The following CPNE9 variants were observed in gnomAD, a reference collection of about 807,000 sequenced individuals.
The protein encoded by CPNE9 is copine family member 9, also known as copine-9.
A neutral mutation model predicts 83.0 loss-of-function variants in CPNE9; 59 were observed. The observed-to-expected ratio is 0.71, with a 90% confidence interval of 0.58 to 0.88. CPNE9 has a LOEUF of 0.88. Ranked by LOEUF, CPNE9 falls within the 40% of genes least tolerant of loss-of-function variation. The pLI, the probability that CPNE9 is intolerant of heterozygous loss-of-function variation, is 0.00. For synonymous variants in CPNE9, 256 were observed against 273.4 expected (o/e 0.94, Z 0.63); for missense variants, 619 against 720.8 (o/e 0.86, Z 1.62).
intron 7 of CPNE9, among the ~76,000 whole-genome samples, chr3:9,708,144 G>A (rs1250742423): frequency 1.3e-5 from 2 of 152,192 alleles, no homozygotes; most frequent in African/African-American, 2.4e-5. Flanking sequence ...GAAACAGGGG[G>A]CCTCATTGTG....
In CPNE9 at chr3:9,704,778, A is replaced by C; in HGVS notation, c.139A>C (p.Ser47Arg). The change falls in exon 3 of 21, where the codon AGC becomes CGC. Residue 47 changes from serine (S) to arginine (R), a missense_variant. Ser to Arg is a moderately radical substitution (Grantham distance 110). Transcript: ENST00000383832. This position sits in a 1 kb window ranked among gnomAD's most constrained non-coding sequence, Gnocchi z 7.1. The stretch of plus-strand genomic sequence containing the variant: ...GGTGCTTTACACGCAGAGCCGGGCC[A>C]GCCAGGAGTGGCGGGAGGTGAGTCC... ...MVVLYTQSRA[S>R]QEWREFGRTE... The C allele has an allele frequency of 6.2e-7, 1 of 1,611,098 alleles. No homozygotes were observed. Among genetic ancestry groups the C allele is most frequent in the South Asian group, 1.1e-5 (1 of 90,948 alleles).
chr3:9,725,118 G>A (rs2076765917), intron 17 of CPNE9, among the ~76,000 whole-genome samples: 1 of 152,264 alleles, frequency 6.6e-6, no homozygotes, highest in South Asian at 2.1e-4. Flanking sequence ...TCACAGTGGT[G>A]ATTTTACACT....
intron 17 of CPNE9, among the ~76,000 whole-genome samples, chr3:9,718,834 CTTT>C (rs750687755): frequency 2.6e-4 from 30 of 117,592 alleles, no homozygotes; most frequent in Admixed American, 9.8e-4. Flanking sequence ...GACCCCATCT[CTTT>C]TTTTTTTTTT....
Position 9,716,191 on chromosome 3 carries a change from C to G in CPNE9, c.884+156C>G, listed in dbSNP as rs181610875. Among the ~76,000 whole-genome samples the G allele has an allele frequency of 3.1e-4, 47 of 152,316 alleles. 1 individual carries two copies. Among genetic ancestry groups the G allele is most frequent in the African/African-American group, 1.1e-3 (45 of 41,568 alleles). ...CAACTATAAAGTGCTCTGTAAAATG[C>G]AAAATACTGCTCTTCTTAGTTCCCT... On this transcript the variant is annotated intron_variant, in intron 14 of 20. Coordinates refer to ENST00000383832, the MANE Select transcript of CPNE9 (RefSeq NM_153635.3).
chr3:9,725,852 C>T (rs980648244), intron 17 of CPNE9, 97 bp from the exon 18 acceptor site: 7 of 909,416 alleles, frequency 7.7e-6, no homozygotes, highest in East Asian at 2.4e-5. Context: ...CCAGTTCCTG[C>T]CCACTGCCCA....
intron 7 of CPNE9, among the ~76,000 whole-genome samples, chr3:9,709,660 G>A (rs1036377634): frequency 1.3e-5 from 2 of 151,490 alleles, no homozygotes; most frequent in African/African-American, 4.8e-5. Flanking sequence ...GAGCTGCCAC[G>A]CCTAGCCAAG....
At chr3:9,710,639 T>C (rs913876952) in intron 7 of CPNE9, among the ~76,000 whole-genome samples, 1 of 152,354 alleles carries the variant, frequency 6.6e-6, no homozygotes, top group Middle Eastern at 3.4e-3. Context: ...AATTGTGTTT[T>C]TGTCTGGCCA....
chr3:9,704,037 C>G lies in CPNE9; in HGVS notation c.41C>G (p.Thr14Ser). Residue 14 changes from threonine (T) to serine (S), a missense_variant, in exon 1 of 21, where the codon ACC becomes AGC. Transcript: ENST00000383832. This position sits in a 1 kb window ranked among gnomAD's most constrained non-coding sequence, Gnocchi z 7.1. ...GGASERSVPA[T>S]KIEITVSCRN... Reference sequence around the variant, plus strand: ...GCCTCCGAGCGCAGCGTCCCGGCCACCAAGATTGAAATTACCGTGTCCTGC... The same window carrying G: ...GCCTCCGAGCGCAGCGTCCCGGCCAGCAAGATTGAAATTACCGTGTCCTGC... 1.9e-6 allele frequency: 3 copies of G among 1,609,214 alleles called. No homozygotes were observed. Among genetic ancestry groups the G allele is most frequent in the Non-Finnish European group, 2.5e-6 (3 of 1,178,852 alleles).
In CPNE9 at chr3:9,729,785, T is replaced by C; in HGVS notation, c.*93T>C. On this transcript the variant is annotated 3_prime_UTR_variant, in exon 21 of 21. Transcript: ENST00000383832. ...AGGCACCTGGAACCCTGGACTTCAC[T>C]GGGAGGGCCAACTTGGAGGATCAGT... is the stretch of plus-strand genomic sequence containing the variant. 1.4e-6 allele frequency: 2 copies of C among 1,464,086 alleles called. No homozygotes were observed. The highest frequency in any genetic ancestry group is 1.8e-6 in the Non-Finnish European group (2 of 1,104,086). 90.7% of individuals were successfully genotyped at this position (1,464,086 alleles called of 1,614,324 possible). A position where few individuals can be genotyped will look rare whatever the true frequency, so the allele number is the denominator to read the frequency against.
At position 9,713,033 on chromosome 3, in the gene CPNE9, C is replaced by A; in HGVS notation, c.604C>A (p.Pro202Thr). Reference sequence around the variant, plus strand: ...AAACACGCTGAATCCTGTGTGGCAGCCCTTCAGCATCCCTGTGCGGGCTCT... The same window carrying A: ...AAACACGCTGAATCCTGTGTGGCAGACCTTCAGCATCCCTGTGCGGGCTCT... ...VKNTLNPVWQ[P>T]FSIPVRALCN... Residue 202 changes from proline to threonine, a missense_variant, in exon 10 of 21, where the codon CCC (proline) becomes ACC (threonine). Pro to Thr is a conservative substitution (Grantham distance 38, BLOSUM62 -1). Coordinates refer to ENST00000383832, the MANE Select transcript of CPNE9 (RefSeq NM_153635.3). 1 of 1,614,208 alleles carries A rather than the reference C, an allele frequency of 6.2e-7. No homozygotes were observed. The highest frequency in any genetic ancestry group is 8.5e-7 in the Non-Finnish European group (1 of 1,180,020).
chr3:9,705,419 T>TCCCCCCCCCCGACCCCC, intron 4 of CPNE9, 45 bp from the exon 5 acceptor site: 1 of 662,642 alleles, frequency 1.5e-6, no homozygotes, highest in East Asian at 3.0e-5. Context: ...TTCCACCCTC[T>TCCCCCCCCCCGACCCCC]CCCCCACCCA....
chr3:9,725,749 A>G (rs1030252036), intron 17 of CPNE9, among the ~76,000 whole-genome samples, 200 bp from the exon 18 acceptor site: 1 of 143,752 alleles, frequency 7.0e-6, no homozygotes, highest in East Asian at 2.0e-4. Flanking sequence ...ATATGTATAT[A>G]TGTGTGTGTA....
At position 9,722,169 on chromosome 3, in the gene CPNE9, C is replaced by G. The variant is rs534903285; in HGVS notation, c.1241+3567C>G. On this transcript the variant is annotated intron_variant, in intron 17 of 20. Coordinates refer to ENST00000383832, the MANE Select transcript of CPNE9 (RefSeq NM_153635.3). ...TGACCTCAGGTGATCCACCCCCCCC[C>G]GCCACCCGGCCTCCCAAAGTGCTGG... Among the ~76,000 whole-genome samples, 5 of 151,784 alleles carry G rather than the reference C, an allele frequency of 3.3e-5. 1 individual carries two copies. The highest frequency in any genetic ancestry group is 1.9e-4 in the East Asian group (1 of 5,182).
intron 17 of CPNE9, among the ~76,000 whole-genome samples, chr3:9,720,816 A>G (rs1205937563): frequency 6.6e-6 from 1 of 152,224 alleles, no homozygotes; most frequent in Non-Finnish European, 1.5e-5. Flanking sequence ...TAAAGGGGCA[A>G]TGCACCATTG....
Position 9,718,155 on chromosome 3 carries a change from A to G in CPNE9, c.1058A>G (p.Tyr353Cys). 1 of 1,614,074 alleles carries G rather than the reference A, an allele frequency of 6.2e-7. No homozygotes were observed. The highest frequency in any genetic ancestry group is 8.5e-7 in the Non-Finnish European group (1 of 1,179,990). The change falls in exon 16 of 21, where the codon TAT becomes TGT. Residue 353 changes from tyrosine to cysteine, a missense_variant. Physicochemically the swap from Tyr to Cys is radical, Grantham distance 194. This residue lies in a region of CPNE9 where 438 missense variants were observed against 562.9 expected (regional missense o/e 0.78). Coordinates refer to ENST00000383832, the MANE Select transcript of CPNE9 (RefSeq NM_153635.3). ...DYDSDKLFPAYGFGAKLPPEG... is the reference protein window; with the variant it reads ...DYDSDKLFPACGFGAKLPPEG... ...GACAGTGATAAGCTCTTCCCAGCTT[A>G]TGGCTTTGGGGCCAAGCTGCCCCCA...
chr3:9,725,358 A>C (rs2076767931), intron 17 of CPNE9, among the ~76,000 whole-genome samples: 1 of 151,798 alleles, frequency 6.6e-6, no homozygotes, highest in Admixed American at 6.6e-5. Flanking sequence ...AACATGGTGA[A>C]ACCTCATCTC....
chr3:9,725,810 G>T, intron 17 of CPNE9, 139 bp from the exon 18 acceptor site: 1 of 690,090 alleles, frequency 1.4e-6, no homozygotes, highest in Non-Finnish European at 2.6e-6. Flanking sequence ...CAGGCTGCCA[G>T]GTCTGGGGAA....
chr3:9,718,318 A>T, intron 16 of CPNE9, 108 bp downstream of exon 16: 1 of 1,376,770 alleles, frequency 7.3e-7, no homozygotes, highest in Non-Finnish European at 1.0e-6. Flanking sequence ...AGGAACAGGA[A>T]GCTATGAGAG....
intron 20 of CPNE9, 22 bp from the exon 21 acceptor site, chr3:9,729,482 CTCT>C: frequency 6.3e-7 from 1 of 1,591,056 alleles, no homozygotes; most frequent in Non-Finnish European, 8.6e-7. Flanking sequence ...CATGGCTTAT[CTCT>C]TCTTGTCTGT....
Sources: gnomAD v4.1 joint callset for allele counts (sites outside exome capture counted in the v4.1 genomes callset) on GRCh38, gnomAD v4.1.1 for gene constraint, gnomAD v4.1.1 regional missense constraint, Gnocchi (gnomAD v3.1) non-coding constraint, MANE v1.5 for transcripts, NCBI Gene and HGNC (gene_info 2026-07-23, HGNC 2026-07-21) for gene names.